The following RUNX2 variants were observed in gnomAD, a reference collection of about 807,000 sequenced individuals.
RUNX2 encodes runt-related transcription factor 2.
In RUNX2, 10 loss-of-function variants were observed where a neutral mutation model predicts 51.7. The ratio of observed to expected loss-of-function variants is 0.19; its 90% CI spans 0.12 to 0.33. RUNX2 has a LOEUF of 0.33. Among genes scored for constraint, RUNX2 ranks in the 10% least tolerant of loss-of-function variants. The pLI is 1.00. For synonymous variants in RUNX2, 276 were observed against 273.6 expected (o/e 1.01, Z -0.09); for missense variants, 562 against 691.3 (o/e 0.81, Z 2.10).
chr6:45,428,867 C>A (rs1444036001), intron 3 of RUNX2, among the ~76,000 whole-genome samples: 1 of 138,226 alleles, frequency 7.2e-6, no homozygotes, highest in Admixed American at 7.5e-5. Flanking sequence ...GGAAATGTAG[C>A]CAGACTTGAG....
chr6:45,368,740 T>C (rs764461894), intron 2 of RUNX2, among the ~76,000 whole-genome samples: 1 of 152,170 alleles, frequency 6.6e-6, no homozygotes, highest in Non-Finnish European at 1.5e-5. Context: ...TCAGCAGACC[T>C]ATGTACTGAT....
chr6:45,345,815 C>T (rs1224467463), intron 2 of RUNX2, among the ~76,000 whole-genome samples: 1 of 152,080 alleles, frequency 6.6e-6, no homozygotes, highest in East Asian at 1.9e-4. Flanking sequence ...GACTTAACTC[C>T]TCAGTCTGCC....
chr6:45,531,753 A>T (rs1435808006), intron 7 of RUNX2, among the ~76,000 whole-genome samples: 1 of 152,098 alleles, frequency 6.6e-6, no homozygotes, highest in Non-Finnish European at 1.5e-5. Flanking sequence ...TTCTGTCTAA[A>T]AAAAAAACAA....
At chr6:45,542,628 T>C (rs775767075) in intron 7 of RUNX2, among the ~76,000 whole-genome samples, 1 of 152,186 alleles carries the variant, frequency 6.6e-6, no homozygotes, top group Non-Finnish European at 1.5e-5. Context: ...ATTAATAATA[T>C]CCCAAAGATA....
At chr6:45,477,847 C>CT (rs1236139155) in intron 5 of RUNX2, among the ~76,000 whole-genome samples, 2 of 152,342 alleles carry the variant, frequency 1.3e-5, no homozygotes, top group East Asian at 3.9e-4. Context: ...GCTTAAAATA[C>CT]TTCAGTGTCT....
chr6:45,351,356 T>C (rs753666428), intron 2 of RUNX2, among the ~76,000 whole-genome samples: 2 of 152,018 alleles, frequency 1.3e-5, no homozygotes, highest in Non-Finnish European at 2.9e-5. Context: ...CCAGGCATAC[T>C]TACGTACCAG....
chr6:45,414,754 C>CTTTTTTTTTTTT lies in RUNX2; in HGVS notation c.59-7820_59-7809dup, dbSNP rs34672680. ...ATCTCTCCACCTTCCCAGATCCTGG[C>CTTTTTTTTTTTT]TTTTTTTTTTTTTTTTTTTTTTTTT... On this transcript the variant is annotated intron_variant, in intron 2 of 8. Coordinates refer to ENST00000647337, the MANE Select transcript of RUNX2 (RefSeq NM_001024630.4). Among the ~76,000 whole-genome samples, 7 of 33,424 alleles carry CTTTTTTTTTTTT rather than the reference C, an allele frequency of 2.1e-4. 2 individuals carry two copies. The highest frequency in any genetic ancestry group is 5.4e-4 in the African/African-American group (5 of 9,222). The allele number at this position is 33,424 out of a possible 152,430, so 21.9% of individuals were successfully genotyped here. A position where few individuals can be genotyped will look rare whatever the true frequency, so the allele number is the denominator to read the frequency against.
At position 45,547,515 on chromosome 6, in the gene RUNX2, T is replaced by C; in HGVS notation, c.*210T>C. On this transcript the variant is annotated 3_prime_UTR_variant, in exon 9 of 9. Coordinates refer to ENST00000647337, the MANE Select transcript of RUNX2 (RefSeq NM_001024630.4). ...GAAGCAGAAGGCTCAAGAGAGACAA[T>C]TGCAATCGAGCTTCAGATTGTTTAC... The C allele has an allele frequency of 1.7e-6, 1 of 592,374 alleles. No homozygotes were observed. Among genetic ancestry groups the C allele is most frequent in the Non-Finnish European group, 3.0e-6 (1 of 332,874 alleles). 36.7% of individuals were successfully genotyped at this position (592,374 alleles called of 1,614,324 possible).
Position 45,549,341 on chromosome 6 carries a change from A to G in RUNX2, c.*2036A>G. Reference sequence around the variant, plus strand: ...AACCCACCTTTGTAGGCCACCCAGCATTGCAGGACAGCGTGTGGGGCAGCT... The same window carrying G: ...AACCCACCTTTGTAGGCCACCCAGCGTTGCAGGACAGCGTGTGGGGCAGCT... On this transcript the variant is annotated 3_prime_UTR_variant, in exon 9 of 9. Transcript: ENST00000647337. 2.5e-6 allele frequency: 1 copy of G among 398,530 alleles called. No individual in the cohort carries two copies. The highest frequency in any genetic ancestry group is 4.4e-6 in the Non-Finnish European group (1 of 226,042). 24.7% of individuals were successfully genotyped at this position (398,530 alleles called of 1,614,324 possible).
chr6:45,426,315 ATAGT>A (rs1434374900), intron 3 of RUNX2, among the ~76,000 whole-genome samples: 1 of 152,346 alleles, frequency 6.6e-6, no homozygotes, highest in East Asian at 1.9e-4. Context: ...AAACCTTAAA[ATAGT>A]TAGGGCATAC....
chr6:45,370,442 C>A (rs1795873084), intron 2 of RUNX2, among the ~76,000 whole-genome samples: 1 of 151,788 alleles, frequency 6.6e-6, no homozygotes, highest in South Asian at 2.1e-4. Context: ...AACTATTAGA[C>A]ATTCAAGTGG....
intron 2 of RUNX2, among the ~76,000 whole-genome samples, chr6:45,333,552 T>G (rs751886257): frequency 6.6e-6 from 1 of 151,530 alleles, no homozygotes; most frequent in African/African-American, 2.4e-5. Flanking sequence ...TAGGTTTTGT[T>G]GTTACTGCTG....
At chr6:45,510,842 A>G (rs1801121229) in intron 6 of RUNX2, among the ~76,000 whole-genome samples, 1 of 151,858 alleles carries the variant, frequency 6.6e-6, no homozygotes, top group Admixed American at 6.6e-5. Context: ...TCATATCCTT[A>G]TGATTCAGGT....
At chr6:45,501,971 G>A (rs921605784) in intron 6 of RUNX2, among the ~76,000 whole-genome samples, 7 of 152,180 alleles carry the variant, frequency 4.6e-5, no homozygotes, top group South Asian at 2.1e-4. Flanking sequence ...ATTTTGTGTC[G>A]TAAACTTTAA....
chr6:45,331,411 T>C (rs1349919476), intron 2 of RUNX2, among the ~76,000 whole-genome samples: 1 of 151,958 alleles, frequency 6.6e-6, no homozygotes, highest in Non-Finnish European at 1.5e-5. Flanking sequence ...TTGTGGTCCA[T>C]ATCAATAATA....
chr6:45,380,982 CT>C (rs1797228501), intron 2 of RUNX2, among the ~76,000 whole-genome samples: 1 of 152,052 alleles, frequency 6.6e-6, no homozygotes, highest in Non-Finnish European at 1.5e-5. Flanking sequence ...TTTGTGGGGA[CT>C]TTTTATTTTC....
intron 2 of RUNX2, among the ~76,000 whole-genome samples, chr6:45,412,776 G>C (rs191287394): frequency 2.0e-5 from 3 of 151,158 alleles, no homozygotes; most frequent in African/African-American, 7.3e-5. Context: ...ACGGAGTCTC[G>C]CTCTGTCATC....
At chr6:45,478,837 T>A (rs1302817182) in intron 5 of RUNX2, among the ~76,000 whole-genome samples, 1 of 152,218 alleles carries the variant, frequency 6.6e-6, no homozygotes, top group Non-Finnish European at 1.5e-5. Context: ...TCTTTCATAC[T>A]GCATTTTGGG....
chr6:45,474,869 C>G (rs1799910745), intron 5 of RUNX2, among the ~76,000 whole-genome samples: 1 of 152,120 alleles, frequency 6.6e-6, no homozygotes, highest in Non-Finnish European at 1.5e-5. Flanking sequence ...CAAACACTTA[C>G]TGGGTACCTA....
Sources: gnomAD v4.1 joint callset for allele counts (sites outside exome capture counted in the v4.1 genomes callset) on GRCh38, gnomAD v4.1.1 for gene constraint, MANE v1.5 for transcripts, NCBI Gene and HGNC (gene_info 2026-07-23, HGNC 2026-07-21) for gene names.